Variants in TRIM33 observed in about 807,000 individuals in gnomAD.
The protein encoded by TRIM33 is E3 ubiquitin-protein ligase TRIM33.
TRIM33 carries 20 observed loss-of-function variants against 125.4 expected under a neutral mutation model. The ratio of observed to expected loss-of-function variants is 0.16; its 90% CI spans 0.11 to 0.23. TRIM33 has a LOEUF of 0.23. Among genes scored for constraint, TRIM33 ranks in the 10% least tolerant of loss-of-function variants. The probability of loss-of-function intolerance (pLI) is 1.00; values close to 1 mark genes in which losing one functional copy is unlikely to be tolerated. For missense variants in TRIM33, 920 were observed against 1,411.4 expected (o/e 0.65, Z 5.58); for synonymous variants, 564 against 513.9 (o/e 1.10, Z -1.32).
intron 1 of TRIM33, among the ~76,000 whole-genome samples, chr1:114,490,216 TTAAA>T (rs1358342394): frequency 6.6e-6 from 1 of 150,800 alleles, no homozygotes; most frequent in Non-Finnish European, 1.5e-5. Context: ...AATAACCTAA[TTAAA>T]TAATGGACAA....
chr1:114,436,982 T>G lies in TRIM33; in HGVS notation c.924-3249A>C, dbSNP rs141745001. On this transcript the variant is annotated intron_variant, in intron 4 of 19. Transcript: ENST00000358465. ...ACATTGTGATGAAAAACAATCTTTTTGAAGAATTTGATGATGTCAACATAT... is the reference window on the plus strand; with the variant it reads ...ACATTGTGATGAAAAACAATCTTTTGGAAGAATTTGATGATGTCAACATAT... Among the ~76,000 whole-genome samples the G allele has an allele frequency of 9.8e-3, 1,489 of 152,324 alleles. 21 individuals are homozygous for G. The highest frequency in any genetic ancestry group is 0.026 in the African/African-American group (1,063 of 41,582).
At chr1:114,465,857 T>C (rs958299986) in intron 1 of TRIM33, among the ~76,000 whole-genome samples, 1 of 151,736 alleles carries the variant, frequency 6.6e-6, no homozygotes, top group African/African-American at 2.4e-5. Context: ...CTGGCTAACA[T>C]GGTGAAACCC....
chr1:114,510,605 C>T lies in TRIM33; in HGVS notation c.472G>A (p.Glu158Lys). The T allele has an allele frequency of 6.4e-7, 1 of 1,552,616 alleles. No individual in the cohort carries two copies. Among genetic ancestry groups the T allele is most frequent in the South Asian group, 1.2e-5 (1 of 85,384 alleles). Residue 158 changes from glutamate (E) to lysine (K), a missense_variant, in exon 1 of 20, where the codon GAG (glutamate) becomes AAG (lysine). Glu to Lys is a moderately conservative substitution (Grantham distance 56). Around this residue, in one of 8 missense-constraint regions of TRIM33, gnomAD observed 75 missense variants for 123.9 expected, o/e 0.61. Coordinates refer to ENST00000358465, the MANE Select transcript of TRIM33 (RefSeq NM_015906.4). Reference sequence around the variant, plus strand: ...GGGATGGGCACGCTGAGCTGGCGCTCCGGCTCGGGCAGGCAGCGCAGGCAG... The same window carrying T: ...GGGATGGGCACGCTGAGCTGGCGCTTCGGCTCGGGCAGGCAGCGCAGGCAG... ...SFCLRCLPEP[E>K]RQLSVPIPGG...
rs753695375 is a variant in TRIM33 at position 114,421,504 on chromosome 1, T to C, written c.1993A>G (p.Ile665Val). ...RGPTSPSVTA[I>V]ELIPSVTNPE... Reference sequence around the variant, plus strand: ...TTGGTAACTGAGGGGATTAGCTCTATTGCTGTAACAGATGGGCTGGTGGGA... The same window carrying C: ...TTGGTAACTGAGGGGATTAGCTCTACTGCTGTAACAGATGGGCTGGTGGGA... The change falls in exon 11 of 20, where the codon ATA (isoleucine) becomes GTA (valine). Residue 665 changes from isoleucine (I) to valine (V), a missense_variant. Ile to Val is a conservative substitution (Grantham distance 29). Around this residue, in one of 8 missense-constraint regions of TRIM33, gnomAD observed 407 missense variants for 589.7 expected, o/e 0.69. Transcript: ENST00000358465. 4 of 1,614,064 alleles carry C rather than the reference T, an allele frequency of 2.5e-6. No homozygotes were observed. The highest frequency in any genetic ancestry group is 1.7e-5 in the Admixed American group (1 of 59,990).
At chr1:114,407,794 T>C (rs750124296) in intron 13 of TRIM33, among the ~76,000 whole-genome samples, 4 of 152,124 alleles carry the variant, frequency 2.6e-5, no homozygotes, top group East Asian at 1.9e-4. Flanking sequence ...TTGGAGGGTG[T>C]TGGAAATCAA....
At chr1:114,438,477 C>T (rs536334747) in intron 4 of TRIM33, among the ~76,000 whole-genome samples, 2 of 152,134 alleles carry the variant, frequency 1.3e-5, no homozygotes, top group Non-Finnish European at 2.9e-5. Flanking sequence ...GTGAAGAAAA[C>T]TCCAAACATC....
At chr1:114,501,554 T>C (rs1652718916) in intron 1 of TRIM33, among the ~76,000 whole-genome samples, 1 of 152,208 alleles carries the variant, frequency 6.6e-6, no homozygotes, top group South Asian at 2.1e-4. Context: ...TTATATTCTC[T>C]TGGTCACGGA....
intron 1 of TRIM33, among the ~76,000 whole-genome samples, chr1:114,510,034 T>C (rs1653244214): frequency 6.6e-6 from 1 of 152,140 alleles, no homozygotes; most frequent in South Asian, 2.1e-4. Context: ...AGGCGCCTTC[T>C]CTGGACCCCT....
chr1:114,496,890 A>G (rs565972449), intron 1 of TRIM33, among the ~76,000 whole-genome samples: 96 of 152,352 alleles, frequency 6.3e-4, no homozygotes, highest in Admixed American at 5.9e-4. Context: ...AGTTGGGAAT[A>G]ATGTAATCAG....
In TRIM33 at chr1:114,463,571, A is replaced by G. The variant is rs1161198318; in HGVS notation, c.646-15T>C. The G allele has an allele frequency of 1.6e-5, 24 of 1,548,024 alleles. No homozygotes were observed. The highest frequency in any genetic ancestry group is 1.9e-5 in the Non-Finnish European group (22 of 1,134,504). Reference sequence around the variant, plus strand: ...CTAGTACATACCTAAAAGAAGAAATAAGCACTAATCTAAATTAAATACATA... The same window carrying G: ...CTAGTACATACCTAAAAGAAGAAATGAGCACTAATCTAAATTAAATACATA... On this transcript the variant is annotated splice_polypyrimidine_tract_variant and intron_variant, in intron 2 of 19. Transcript: ENST00000358465.
intron 4 of TRIM33, among the ~76,000 whole-genome samples, chr1:114,450,035 A>G (rs1388985182): frequency 6.6e-6 from 1 of 152,202 alleles, no homozygotes; most frequent in African/African-American, 2.4e-5. Flanking sequence ...AAGCTTCTCA[A>G]TACTTGCATG....
intron 11 of TRIM33, 75 bp downstream of exon 11, chr1:114,421,361 A>T: frequency 7.2e-7 from 1 of 1,395,824 alleles, no homozygotes; most frequent in Non-Finnish European, 9.9e-7. Flanking sequence ...TAAAAAAAAA[A>T]AACTCTGAAA....
intron 11 of TRIM33, among the ~76,000 whole-genome samples, chr1:114,412,527 T>C (rs1226529610): frequency 6.6e-6 from 1 of 152,174 alleles, no homozygotes; most frequent in East Asian, 1.9e-4. Context: ...AATCAATCCC[T>C]CTCTCAAACA....
chr1:114,506,382 T>TC (rs1653007378), intron 1 of TRIM33, among the ~76,000 whole-genome samples: 1 of 88,672 alleles, frequency 1.1e-5, no homozygotes, highest in East Asian at 2.5e-4. Flanking sequence ...AAAAACTGTC[T>TC]CAAAAAAAAA....
chr1:114,475,325 A>G (rs1354666977), intron 1 of TRIM33, among the ~76,000 whole-genome samples: 1 of 152,260 alleles, frequency 6.6e-6, no homozygotes, highest in Admixed American at 6.5e-5. Flanking sequence ...CTCTGAAGAT[A>G]GCACTTCTAA....
At chr1:114,456,017 C>T (rs1046888346) in intron 4 of TRIM33, among the ~76,000 whole-genome samples, 1 of 152,298 alleles carries the variant, frequency 6.6e-6, no homozygotes, top group South Asian at 2.1e-4. Flanking sequence ...GAAGTCCTAA[C>T]AGGTGTTAAG....
At chr1:114,506,671 T>C (rs1328802890) in intron 1 of TRIM33, among the ~76,000 whole-genome samples, 2 of 152,160 alleles carry the variant, frequency 1.3e-5, no homozygotes, top group African/African-American at 2.4e-5. Context: ...TAAATGTATA[T>C]ATACCCACTA....
intron 1 of TRIM33, among the ~76,000 whole-genome samples, chr1:114,475,093 G>A (rs150522094): frequency 2.6e-5 from 4 of 151,922 alleles, no homozygotes; most frequent in Non-Finnish European, 5.9e-5. Context: ...AAACTGAAGG[G>A]AGACAAACAG....
intron 4 of TRIM33, among the ~76,000 whole-genome samples, chr1:114,446,756 T>TA (rs1649005297): frequency 6.6e-6 from 1 of 152,052 alleles, no homozygotes; most frequent in African/African-American, 2.4e-5. Context: ...ACATTCCAAT[T>TA]AAAAAACAGA....
Sources: allele counts gnomAD v4.1 joint callset (sites outside exome capture counted in the v4.1 genomes callset), GRCh38; gene constraint gnomAD v4.1.1; regional missense constraint gnomAD v4.1.1; transcripts MANE v1.5; gene names NCBI Gene and HGNC (gene_info 2026-07-23, HGNC 2026-07-21).